The following PLRG1 variants were observed in gnomAD, a reference collection of about 807,000 sequenced individuals.
PLRG1 encodes pleiotropic regulator 1.
In PLRG1, 28 loss-of-function variants were observed where a neutral mutation model predicts 74.9. The ratio of observed to expected loss-of-function variants is 0.37; its 90% CI spans 0.28 to 0.51. PLRG1 has a LOEUF of 0.51. Ranked by LOEUF, PLRG1 falls within the 20% of genes least tolerant of loss-of-function variation. The pLI, the probability that PLRG1 is intolerant of heterozygous loss-of-function variation, is 0.91. For missense variants in PLRG1, 445 were observed against 631.9 expected (o/e 0.70, Z 3.17); for synonymous variants, 197 against 212.4 (o/e 0.93, Z 0.63).
rs181795785 is a variant in PLRG1, at chr4:154,544,413, T to G, written c.594+32A>C. On this transcript the variant is annotated intron_variant, in intron 7 of 14. Transcript: ENST00000499023. ...TTGTCAACTACAAAGCAATCATGGTTCACATAATAAAATAAATGCAGAGTC... is the reference window on the plus strand; with the variant it reads ...TTGTCAACTACAAAGCAATCATGGTGCACATAATAAAATAAATGCAGAGTC... 5.4e-4 allele frequency: 616 copies of G among 1,148,662 alleles called. 4 individuals carry two copies. In the African/African-American group the frequency reaches 7.6e-3, roughly 14 times the overall value. 71.2% of individuals were successfully genotyped at this position (1,148,662 alleles called of 1,614,324 possible).
rs1327674256 is a variant in PLRG1, at chr4:154,536,728, G to A, written c.1502C>T (p.Pro501Leu). Residue 501 changes from proline (P) to leucine (L), a missense_variant, in exon 15 of 15, where the codon CCA becomes CTA. This residue lies in a region of PLRG1 where 221 missense variants were observed against 377.7 expected (regional missense o/e 0.59). Transcript: ENST00000499023. ...GATAATTTCTGGTTTCCAGCTGACT[G>A]GATGAGTTTCTTCTGTCTAAAAATA... ...EDDTATEETH[P>L]VSWKPEIIKR... is the part of the protein sequence containing the mutation. The A allele has an allele frequency of 6.5e-7, 1 of 1,529,698 alleles. No individual in the cohort carries two copies. Among genetic ancestry groups the A allele is most frequent in the African/African-American group, 1.4e-5 (1 of 71,742 alleles). 94.8% of individuals were successfully genotyped at this position (1,529,698 alleles called of 1,614,324 possible). A position where few individuals can be genotyped will look rare whatever the true frequency, so the allele number is the denominator to read the frequency against.
chr4:154,536,824 A>C, intron 14 of PLRG1, 80 bp from the exon 15 acceptor site: 6 of 768,108 alleles, frequency 7.8e-6, no homozygotes, highest in Non-Finnish European at 1.3e-5. Context: ...AACAAAAATA[A>C]GGTATCTAAC....
intron 8 of PLRG1, among the ~76,000 whole-genome samples, chr4:154,541,752 TACAC>T (rs776296728): frequency 6.6e-6 from 1 of 152,270 alleles, no homozygotes; most frequent in African/African-American, 2.4e-5. Flanking sequence ...TTTTAAAAGA[TACAC>T]ACACAGGAAA....
chr4:154,536,706 A>G lies in PLRG1; in HGVS notation c.1524T>C (p.Ile508=). ...ETHPVSWKPE[I]IKRKRF is the part of the protein sequence containing the mutation. ...TTCATTAAAATCTCTTTCTCTTGAT[A>G]ATTTCTGGTTTCCAGCTGACTGGAT... Residue 508 remains isoleucine, a synonymous_variant, in exon 15 of 15, where the codon ATT becomes ATC. Coordinates refer to ENST00000499023, the MANE Select transcript of PLRG1 (RefSeq NM_002669.4). The G allele has an allele frequency of 6.5e-7, 1 of 1,529,880 alleles. No homozygotes were observed. The highest frequency in any genetic ancestry group is 8.9e-7 in the Non-Finnish European group (1 of 1,120,154). 94.8% of individuals were successfully genotyped at this position (1,529,880 alleles called of 1,614,324 possible).
Position 154,548,001 on chromosome 4 carries a change from C to G in PLRG1, c.117-148G>C. ...TCAAAAATTTCCAAGGGCATTTCCC[C>G]ACCATATCTGTTCTTTTGCTTACAT... On this transcript the variant is annotated intron_variant, in intron 2 of 14. Transcript: ENST00000499023. 3 of 587,324 alleles carry G rather than the reference C, an allele frequency of 5.1e-6. No individual in the cohort carries two copies. The South Asian group carries it at 7.4e-5, about 14-fold the overall frequency. The allele number at this position is 587,324 out of a possible 1,614,324, so 36.4% of individuals were successfully genotyped here.
Position 154,536,690 on chromosome 4 carries a change from ATC to A in PLRG1, c.1538_1539del (p.Arg513IlefsTer16). ...SWKPEIIKRK[R>X]F ...GAGAAAAAATTCCACATTCATTAAA[ATC>A]TCTTTCTCTTGATAATTTCTGGTTT... On this transcript the variant is annotated frameshift_variant, in exon 15 of 15. Transcript: ENST00000499023. LOFTEE classifies it high-confidence loss of function. 1.3e-6 allele frequency: 2 copies of A among 1,494,502 alleles called. No individual in the cohort carries two copies. The highest frequency in any genetic ancestry group is 1.2e-5 in the South Asian group (1 of 82,104). The allele number at this position is 1,494,502 out of a possible 1,614,324, so 92.6% of individuals were successfully genotyped here.
At chr4:154,537,644 G>A in intron 13 of PLRG1, 165 bp from the exon 14 acceptor site, 1 of 553,124 alleles carries the variant, frequency 1.8e-6, no homozygotes, top group South Asian at 2.8e-5. Context: ...ACTTTCATTT[G>A]GGCTGGGTTC....
In PLRG1 at chr4:154,542,289, A is replaced by C; in HGVS notation, c.595-10T>G. The C allele has an allele frequency of 1.9e-6, 3 of 1,583,374 alleles. No homozygotes were observed. Among genetic ancestry groups the C allele is most frequent in the Non-Finnish European group, 1.7e-6 (2 of 1,152,088 alleles). On this transcript the variant is annotated splice_polypyrimidine_tract_variant and intron_variant, in intron 7 of 14. Coordinates refer to ENST00000499023, the MANE Select transcript of PLRG1 (RefSeq NM_002669.4). Reference sequence around the variant, plus strand: ...GATGCCCACTGATAACCTGTATAAAACAAAGTAGAATGGGCAGGCCAACGT... The same window carrying C: ...GATGCCCACTGATAACCTGTATAAACCAAAGTAGAATGGGCAGGCCAACGT...
At chr4:154,548,169 T>C (rs919825141) in intron 2 of PLRG1, among the ~76,000 whole-genome samples, 7 of 152,148 alleles carry the variant, frequency 4.6e-5, no homozygotes, top group African/African-American at 1.7e-4. Flanking sequence ...TCAAAGTCAA[T>C]ATACTTTCCT....
intron 3 of PLRG1, chr4:154,547,487 A>G: frequency 1.8e-6 from 1 of 571,078 alleles, no homozygotes; most frequent in Non-Finnish European, 3.1e-6. Flanking sequence ...TCCACACTCT[A>G]AGAATCTCTG....
At chr4:154,545,698 A>G in intron 6 of PLRG1, 138 bp downstream of exon 6, 1 of 529,264 alleles carries the variant, frequency 1.9e-6, no homozygotes, top group Non-Finnish European at 3.4e-6. Context: ...TTAATTTACT[A>G]CCAACTTGAG....
chr4:154,542,677 C>T (rs1226904730), intron 7 of PLRG1, among the ~76,000 whole-genome samples: 2 of 152,104 alleles, frequency 1.3e-5, no homozygotes, highest in Non-Finnish European at 2.9e-5. Flanking sequence ...GTGGTACATA[C>T]ACACAATGGA....
intron 5 of PLRG1, 29 bp from the exon 6 acceptor site, chr4:154,545,952 GTAAT>G: frequency 7.1e-7 from 1 of 1,417,970 alleles, no homozygotes; most frequent in Non-Finnish European, 9.9e-7. Flanking sequence ...TATTTTCAAA[GTAAT>G]TAATGCCTCC....
chr4:154,548,846 C>T lies in PLRG1; in HGVS notation c.99G>A (p.Val33=), dbSNP rs765190111. Residue 33 remains valine, a synonymous_variant, in exon 2 of 15, where the codon GTG becomes GTA. Coordinates refer to ENST00000499023, the MANE Select transcript of PLRG1 (RefSeq NM_002669.4). ...DMFVADNGKP[V]PLDEESHKRK... ...ACACCAACCTCTCTTCATCTAAAGG[C>T]ACAGGTTTTCCATTATCAGCTACAA... 43 of 1,594,896 alleles carry T rather than the reference C, an allele frequency of 2.7e-5. No homozygotes were observed. Among genetic ancestry groups the T allele is most frequent in the Non-Finnish European group, 3.6e-5 (42 of 1,163,082 alleles).
intron 10 of PLRG1, 119 bp downstream of exon 10, chr4:154,540,475 G>C (rs978138828): frequency 4.3e-6 from 3 of 703,728 alleles, no homozygotes; most frequent in East Asian, 2.6e-5. Context: ...CTAGGATATT[G>C]ATGACTCAAG....
chr4:154,539,196 T>A lies in PLRG1; in HGVS notation c.1060A>T (p.Ile354Phe). The part of the protein sequence containing the change: ...QIITGSHDTT[I>F]RLWDLVAGKT... ...CCAGCCACCAGATCCCATAATCGAA[T>A]TGTAGTATCATGGCTTCCTGTAATG... is the stretch of plus-strand genomic sequence containing the variant. The change falls in exon 12 of 15, where the codon ATT becomes TTT. Residue 354 changes from isoleucine (I) to phenylalanine (F), a missense_variant. Coordinates refer to ENST00000499023, the MANE Select transcript of PLRG1 (RefSeq NM_002669.4). 6.2e-7 allele frequency: 1 copy of A among 1,606,298 alleles called. No individual in the cohort carries two copies. The highest frequency in any genetic ancestry group is 8.5e-7 in the Non-Finnish European group (1 of 1,172,964).
chr4:154,549,665 T>C, intron 1 of PLRG1: 1 of 456,188 alleles, frequency 2.2e-6, no homozygotes, highest in Non-Finnish European at 4.4e-6. Flanking sequence ...ACAACTTACG[T>C]TTTAAACAGA....
Position 154,540,660 on chromosome 4 carries a change from C to A in PLRG1, c.873G>T (p.Val291=). 6.2e-7 allele frequency: 1 copy of A among 1,613,730 alleles called. No homozygotes were observed. Among genetic ancestry groups the A allele is most frequent in the Non-Finnish European group, 8.5e-7 (1 of 1,179,672 alleles). ...IRHYHGHLSA[V]YGLDLHPTID... is the part of the protein sequence containing the mutation. ...TTGTCGGGTGCAAATCCAAACCATA[C>A]ACTGCACTTAAATGTCCATGATAAT... The change falls in exon 10 of 15, where the codon GTG becomes GTT. Residue 291 remains valine, a synonymous_variant. Coordinates refer to ENST00000499023, the MANE Select transcript of PLRG1 (RefSeq NM_002669.4).
In PLRG1 at chr4:154,542,770, A is replaced by G. The variant is rs558052656; in HGVS notation, c.595-491T>C. ...ACTGGAAGATACTATGTTAAGTGAA[A>G]TAAGCCAGGCACAGAAAAACAAATA... On this transcript the variant is annotated intron_variant, in intron 7 of 14. Coordinates refer to ENST00000499023, the MANE Select transcript of PLRG1 (RefSeq NM_002669.4). Among the ~76,000 whole-genome samples the G allele has an allele frequency of 1.5e-4, 23 of 152,134 alleles. No individual in the cohort carries two copies. The South Asian group carries it at 4.8e-3, about 32-fold the overall frequency.
Sources: gnomAD v4.1 joint callset for allele counts (sites outside exome capture counted in the v4.1 genomes callset) on GRCh38, gnomAD v4.1.1 for gene constraint, gnomAD v4.1.1 regional missense constraint, MANE v1.5 for transcripts, NCBI Gene and HGNC (gene_info 2026-07-23, HGNC 2026-07-21) for gene names.